The following MPRIP variants were observed in gnomAD, a reference collection of about 807,000 sequenced individuals.
The protein encoded by MPRIP is myosin phosphatase Rho-interacting protein.
MPRIP carries 59 observed loss-of-function variants against 234.9 expected under a neutral mutation model. The ratio of observed to expected loss-of-function variants is 0.25; its 90% confidence interval spans 0.20 to 0.31. MPRIP has a LOEUF of 0.31. Ranked by LOEUF, MPRIP falls within the 10% of genes least tolerant of loss-of-function variation. The pLI, the probability that MPRIP is intolerant of heterozygous loss-of-function variation, is 1.00. For missense variants in MPRIP, 2,436 were observed against 3,071.0 expected (o/e 0.79, Z 4.89); for synonymous variants, 1,144 against 1,263.9 (o/e 0.91, Z 2.01).
Position 17,150,136 on chromosome 17 carries a change from C to T in MPRIP, c.1630-8C>T. Reference sequence around the variant, plus strand: ...AAAATCTCAAGACATTCTCACTTCCCTCGGCAGGCAGCCGACTTGGATGGA... The same window carrying T: ...AAAATCTCAAGACATTCTCACTTCCTTCGGCAGGCAGCCGACTTGGATGGA... On this transcript the variant is annotated splice_region_variant and splice_polypyrimidine_tract_variant and intron_variant, in intron 11 of 23. Coordinates refer to ENST00000651222, the MANE Select transcript of MPRIP (RefSeq NM_001364716.4). 2.5e-6 allele frequency: 4 copies of T among 1,610,612 alleles called. No homozygotes were observed. Among genetic ancestry groups the T allele is most frequent in the Non-Finnish European group, 3.4e-6 (4 of 1,177,260 alleles).
chr17:17,175,384 C>G lies in MPRIP; in HGVS notation c.6842C>G (p.Ala2281Gly). ...GGGEATGSPL[A>G]QGKDAYELEV... ...GGGGAGGCCACTGGGTCACCCCTTG[C>G]ACAGGGCAAGGATGCCTATGAACTA... Residue 2281 changes from alanine (A) to glycine (G), a missense_variant, in exon 20 of 24, where the codon GCA (alanine) becomes GGA (glycine). Coordinates refer to ENST00000651222, the MANE Select transcript of MPRIP (RefSeq NM_001364716.4). 1 of 1,612,724 alleles carries G rather than the reference C, an allele frequency of 6.2e-7. No individual in the cohort carries two copies. Among genetic ancestry groups the G allele is most frequent in the Non-Finnish European group, 8.5e-7 (1 of 1,179,662 alleles).
Position 17,150,208 on chromosome 17 carries a change from A to G in MPRIP, c.1694A>G (p.Gln565Arg), listed in dbSNP as rs1482941253. The G allele has an allele frequency of 2.5e-6, 4 of 1,613,524 alleles. No individual in the cohort carries two copies. Among genetic ancestry groups the G allele is most frequent in the African/African-American group, 2.7e-5 (2 of 74,926 alleles). The change falls in exon 12 of 24, where the codon CAG (glutamine) becomes CGG (arginine). Residue 565 changes from glutamine to arginine, a missense_variant. Physicochemically the swap from Gln to Arg is conservative, Grantham distance 43. Coordinates refer to ENST00000651222, the MANE Select transcript of MPRIP (RefSeq NM_001364716.4). ...ACYDVTEYPV[Q>R]RNYGFQIHTK... is the part of the protein sequence containing the mutation. Reference sequence around the variant, plus strand: ...TACGATGTCACAGAGTATCCAGTTCAGAGAAACTATGGCTTCCAGATACAT... The same window carrying G: ...TACGATGTCACAGAGTATCCAGTTCGGAGAAACTATGGCTTCCAGATACAT...
intron 9 of MPRIP, among the ~76,000 whole-genome samples, chr17:17,144,253 C>T (rs1431180216): frequency 6.6e-6 from 1 of 152,240 alleles, no homozygotes; most frequent in Non-Finnish European, 1.5e-5. Context: ...TTGTCTCCTC[C>T]TTGCTGCCTG....
intron 19 of MPRIP, among the ~76,000 whole-genome samples, chr17:17,174,376 T>C (rs1212787421): frequency 6.6e-6 from 1 of 152,358 alleles, no homozygotes; most frequent in East Asian, 1.9e-4. Flanking sequence ...TCGGGTGTCT[T>C]GGTGTCTTCT....
intron 11 of MPRIP, 31 bp downstream of exon 11, chr17:17,147,418 A>G (rs752994694): frequency 6.2e-7 from 1 of 1,601,274 alleles, no homozygotes; most frequent in Non-Finnish European, 8.6e-7. Context: ...TCTGCTGTGG[A>G]GACAGCTGGA....
At chr17:17,154,451 C>T (rs2045683408) in intron 13 of MPRIP, 36 bp downstream of exon 13, 2 of 1,586,864 alleles carry the variant, frequency 1.3e-6, no homozygotes, top group Middle Eastern at 1.7e-4. Flanking sequence ...CCCTTTGTGC[C>T]TCTTGTGGGT....
At chr17:17,104,567 G>A (rs1333752534) in intron 3 of MPRIP, among the ~76,000 whole-genome samples, 3 of 152,132 alleles carry the variant, frequency 2.0e-5, no homozygotes, top group East Asian at 1.9e-4. Flanking sequence ...AGGCAGAACC[G>A]TTTCTCCGTC....
chr17:17,126,920 C>T, intron 4 of MPRIP, 67 bp downstream of exon 4: 2 of 1,561,544 alleles, frequency 1.3e-6, no homozygotes, highest in Admixed American at 1.8e-5. Context: ...AGATGGGCCG[C>T]CTGCCCCTGT....
At chr17:17,112,054 C>A (rs547334705) in intron 3 of MPRIP, among the ~76,000 whole-genome samples, 3 of 152,150 alleles carry the variant, frequency 2.0e-5, no homozygotes, top group African/African-American at 7.2e-5. Flanking sequence ...ACGAGGTGTG[C>A]GGGTGCTGTG....
At chr17:17,168,139 G>A (rs971477296) in intron 16 of MPRIP, 14 of 347,866 alleles carry the variant, frequency 4.0e-5, no homozygotes, top group Admixed American at 1.6e-4. Flanking sequence ...CAGGAGGGCC[G>A]CCAGGGTCCC....
At chr17:17,117,913 A>G (rs914123754) in intron 3 of MPRIP, among the ~76,000 whole-genome samples, 1 of 152,264 alleles carries the variant, frequency 6.6e-6, no homozygotes, top group Non-Finnish European at 1.5e-5. Context: ...GTGCAGAGCT[A>G]GGACTTGACT....
rs763934710 is a variant in MPRIP, at chr17:17,167,531, G to A, written c.5940G>A (p.Ser1980=). ...RSRVLSQLDA[S]VRDRQDMERH... is the part of the protein sequence containing the mutation. ...GGGTCCTGAGCCAGCTGGATGCCTC[G>A]GTCAGAGACAGGCAGGACATGGAGA... Residue 1980 remains serine, a synonymous_variant, in exon 16 of 24, where the codon TCG becomes TCA. Transcript: ENST00000651222. The surrounding 1 kb of genome is among the most constrained non-coding windows in gnomAD (Gnocchi z 5.9). The A allele has an allele frequency of 1.0e-5, 13 of 1,304,110 alleles. No individual in the cohort carries two copies. Among genetic ancestry groups the A allele is most frequent in the African/African-American group, 4.6e-5 (3 of 65,858 alleles). The allele number at this position is 1,304,110 out of a possible 1,614,324, so 80.8% of individuals were successfully genotyped here. A position where few individuals can be genotyped will look rare whatever the true frequency, so the allele number is the denominator to read the frequency against.
At chr17:17,058,312 G>A (rs2088767242) in intron 1 of MPRIP, among the ~76,000 whole-genome samples, 1 of 152,136 alleles carries the variant, frequency 6.6e-6, no homozygotes, top group African/African-American at 2.4e-5. Context: ...GACCCAGGGA[G>A]GGGATCTAAG....
At position 17,192,205 on chromosome 17, in the gene MPRIP, A is replaced by G. The variant is rs2046601401; in HGVS notation, c.*7311A>G. 6.6e-6 allele frequency: 1 copy of G among 152,228 alleles called. No homozygotes were observed. Among genetic ancestry groups the G allele is most frequent in the Admixed American group, 6.5e-5 (1 of 15,284 alleles). 9.4% of individuals were successfully genotyped at this position (152,228 alleles called of 1,614,324 possible). ...CACATGATGAAAAGAAGCAGCTTGT[A>G]TAATTCCAACTGGTGTTTCATTTCT... On this transcript the variant is annotated 3_prime_UTR_variant, in exon 24 of 24. Transcript: ENST00000651222.
At chr17:17,057,794 G>T in intron 1 of MPRIP, 1 of 695,194 alleles carries the variant, frequency 1.4e-6, no homozygotes, top group South Asian at 1.5e-5. Context: ...CCTGAAGCAT[G>T]ACCTCCAGGG....
At chr17:17,175,938 C>T (rs943708628) in intron 20 of MPRIP, among the ~76,000 whole-genome samples, 9 of 152,206 alleles carry the variant, frequency 5.9e-5, no homozygotes, top group African/African-American at 2.2e-4. Flanking sequence ...GTCGTGGAGC[C>T]GCCTCCTGGC....
At position 17,190,857 on chromosome 17, in the gene MPRIP, C is replaced by T. The variant is rs1226626681; in HGVS notation, c.*5963C>T. The T allele has an allele frequency of 1.3e-5, 2 of 152,178 alleles. No homozygotes were observed. Among genetic ancestry groups the T allele is most frequent in the Non-Finnish European group, 2.9e-5 (2 of 68,032 alleles). 9.4% of individuals were successfully genotyped at this position (152,178 alleles called of 1,614,324 possible). A position where few individuals can be genotyped will look rare whatever the true frequency, so the allele number is the denominator to read the frequency against. ...CTTGCAATTTCTCTGTATTTAAAAG[C>T]AGCTGTGTTTATTTTCTTCAAAATA... is the stretch of plus-strand genomic sequence containing the variant. On this transcript the variant is annotated 3_prime_UTR_variant, in exon 24 of 24. Transcript: ENST00000651222.
chr17:17,086,547 C>T (rs1367745203), intron 3 of MPRIP, among the ~76,000 whole-genome samples: 2 of 152,138 alleles, frequency 1.3e-5, no homozygotes, highest in African/African-American at 4.8e-5. Context: ...CAGGGAGGGC[C>T]CTGCTCGACT....
At chr17:17,104,261 C>A (rs920664950) in intron 3 of MPRIP, among the ~76,000 whole-genome samples, 2 of 152,174 alleles carry the variant, frequency 1.3e-5, no homozygotes, top group Non-Finnish European at 2.9e-5. Context: ...TAACATGGTG[C>A]CAGCGCTCCT....
Sources: gnomAD v4.1 joint callset for allele counts (sites outside exome capture counted in the v4.1 genomes callset) on GRCh38, gnomAD v4.1.1 for gene constraint, Gnocchi (gnomAD v3.1) non-coding constraint, MANE v1.5 for transcripts, NCBI Gene and HGNC (gene_info 2026-07-23, HGNC 2026-07-21) for gene names.